Variants in CACNA1H observed in about 807,000 individuals in gnomAD.
The protein encoded by CACNA1H is voltage-dependent T-type calcium channel subunit alpha-1H.
CACNA1H carries 149 observed loss-of-function variants against 192.5 expected under a neutral mutation model. That is an observed-to-expected ratio of 0.77 (90% confidence interval 0.68 to 0.89). CACNA1H has a LOEUF of 0.89. CACNA1H is among the 40% of genes least tolerant of loss of function. The pLI is 0.00. For missense variants in CACNA1H, 4,257 were observed against 3,423.5 expected, an observed-to-expected ratio of 1.24 and a Z score of -6.08; for synonymous variants, 2,202 against 1,475.2, an observed-to-expected ratio of 1.49 and a Z score of -11.29.
rs1462557016 is a variant in CACNA1H, at chr16:1,201,787, C to T, written c.1337C>T (p.Thr446Met). 6 of 1,598,996 alleles carry T rather than the reference C, an allele frequency of 3.8e-6. No homozygotes were observed. Among genetic ancestry groups the T allele is most frequent in the Admixed American group, 3.5e-5 (2 of 57,886 alleles). ...QRARHLSNDS[T>M]LASFSEPGSC... ...GCACGCCACCTGTCCAACGACAGCA[C>T]GCTGGCCAGCTTCTCCGAGCCTGGC... is the stretch of plus-strand genomic sequence containing the variant. The change falls in exon 9 of 35, where the codon ACG (threonine) becomes ATG (methionine). Residue 446 changes from threonine (T) to methionine (M), a missense_variant. Thr to Met is a moderately conservative substitution (Grantham distance 81, BLOSUM62 -1). Coordinates refer to ENST00000348261, the MANE Select transcript of CACNA1H (RefSeq NM_021098.3).
At chr16:1,179,303 C>T (rs1965227129) in intron 2 of CACNA1H, among the ~76,000 whole-genome samples, 1 of 151,972 alleles carries the variant, frequency 6.6e-6, no homozygotes, top group Non-Finnish European at 1.5e-5. Context: ...TCCCTGACCT[C>T]AGTCACCAGG....
Position 1,153,713 on chromosome 16 carries a change from T to C in CACNA1H, c.-18-7T>C, listed in dbSNP as rs1961889442. On this transcript the variant is annotated splice_polypyrimidine_tract_variant and splice_region_variant and intron_variant, in intron 1 of 34. Coordinates refer to ENST00000348261, the MANE Select transcript of CACNA1H (RefSeq NM_021098.3). ...ACCGGCCCCGGGTCACCCCCTGTCCTCTGCAGGTGCTGCCGGCCGCCACCA... is the reference window on the plus strand; with the variant it reads ...ACCGGCCCCGGGTCACCCCCTGTCCCCTGCAGGTGCTGCCGGCCGCCACCA... 2 of 1,196,836 alleles carry C rather than the reference T, an allele frequency of 1.7e-6. No individual in the cohort carries two copies. The highest frequency in any genetic ancestry group is 2.1e-6 in the Non-Finnish European group (2 of 966,272). The allele number at this position is 1,196,836 out of a possible 1,614,324, so 74.1% of individuals were successfully genotyped here.
chr16:1,190,219 G>A (rs1966477213), intron 2 of CACNA1H, among the ~76,000 whole-genome samples: 1 of 152,236 alleles, frequency 6.6e-6, no homozygotes, highest in African/African-American at 2.4e-5. Context: ...GCTGTTCCCG[G>A]CTACGTTGGC....
intron 2 of CACNA1H, among the ~76,000 whole-genome samples, chr16:1,189,980 T>G (rs542708921): frequency 2.3e-4 from 35 of 152,358 alleles, no homozygotes; most frequent in Non-Finnish European, 4.7e-4. Context: ...AACCTTGGTC[T>G]GTCAGAAAAG....
chr16:1,207,650 T>A (rs1596444114), intron 14 of CACNA1H, 120 bp from the exon 15 acceptor site: 3 of 986,728 alleles, frequency 3.0e-6, no homozygotes, highest in Non-Finnish European at 4.6e-6. Context: ...GGCAGTGACA[T>A]CATCCTCTGG....
intron 2 of CACNA1H, among the ~76,000 whole-genome samples, chr16:1,178,028 G>A (rs1177184790): frequency 2.9e-5 from 1 of 34,666 alleles, no homozygotes; most frequent in African/African-American, 1.4e-4. Flanking sequence ...CCCTCTCCCT[G>A]GGGACCCCAT....
chr16:1,193,909 C>T (rs978700917), intron 2 of CACNA1H, among the ~76,000 whole-genome samples: 1 of 152,030 alleles, frequency 6.6e-6, no homozygotes, highest in African/African-American at 2.4e-5. Flanking sequence ...TGGCAGCTGC[C>T]CTTCCTGTGA....
At chr16:1,205,320 C>G in intron 11 of CACNA1H, 55 bp downstream of exon 11, 1 of 1,530,670 alleles carries the variant, frequency 6.5e-7, no homozygotes, top group Non-Finnish European at 8.9e-7. Flanking sequence ...CACTCTCTGG[C>G]AGAAATCCCA....
intron 2 of CACNA1H, among the ~76,000 whole-genome samples, chr16:1,177,632 G>A (rs575711461): frequency 2.7e-4 from 41 of 152,194 alleles, no homozygotes; most frequent in African/African-American, 9.2e-4. Context: ...GAAATTCTGA[G>A]GACGTGGTGG....
At chr16:1,217,389 C>T (rs1011884559) in intron 31 of CACNA1H, among the ~76,000 whole-genome samples, 3 of 152,220 alleles carry the variant, frequency 2.0e-5, no homozygotes, top group Non-Finnish European at 2.9e-5. Flanking sequence ...TCTCCCCTTA[C>T]CTGGTGGCCG....
chr16:1,202,048 A>G lies in CACNA1H; in HGVS notation c.1598A>G (p.His533Arg). The G allele has an allele frequency of 6.5e-7, 1 of 1,538,086 alleles. No individual in the cohort carries two copies. Among genetic ancestry groups the G allele is most frequent in the Non-Finnish European group, 8.7e-7 (1 of 1,144,176 alleles). The change falls in exon 9 of 35, where the codon CAT (histidine) becomes CGT (arginine). Residue 533 changes from histidine to arginine, a missense_variant. Transcript: ENST00000348261. ...CACCACCACCACTACCATTTCAGCC[A>G]TGGCAGCCCCCGCAGGCCCGGCCCC... The part of the protein sequence containing the change: ...HHHHHHYHFS[H>R]GSPRRPGPEP...
At chr16:1,171,675 C>T (rs192903815) in intron 2 of CACNA1H, among the ~76,000 whole-genome samples, 108 of 152,292 alleles carry the variant, frequency 7.1e-4, no homozygotes, top group African/African-American at 2.5e-3. Flanking sequence ...CCGTCCTTCC[C>T]GCCTCCTGGG....
Position 1,201,828 on chromosome 16 carries a change from C to T in CACNA1H, c.1378C>T (p.Leu460=), listed in dbSNP as rs1164925886. The change falls in exon 9 of 35, where the codon CTG becomes TTG. Residue 460 remains leucine, a synonymous_variant. Transcript: ENST00000348261. ...FSEPGSCYEE[L]LKYVGHIFRK... ...CGAGCCTGGCAGCTGCTACGAAGAGCTGCTGAAGTACGTGGGCCACATATT... is the reference window on the plus strand; with the variant it reads ...CGAGCCTGGCAGCTGCTACGAAGAGTTGCTGAAGTACGTGGGCCACATATT... The T allele has an allele frequency of 7.6e-6, 12 of 1,578,378 alleles. No homozygotes were observed. The highest frequency in any genetic ancestry group is 1.7e-4 in the Middle Eastern group (1 of 5,926).
rs775168730 is a variant in CACNA1H, at chr16:1,204,101, G to A, written c.2094G>A (p.Lys698=). The stretch of plus-strand genomic sequence containing the variant: ...CGGGCACACTGACCTGTGAGCTGAA[G>A]AGCTGCCCGTACTGCACCCGTGCCC... ...PPAGTLTCEL[K]SCPYCTRALE... Residue 698 remains lysine (K), a synonymous_variant, in exon 10 of 35, where the codon AAG becomes AAA. Transcript: ENST00000348261. 29 of 1,610,868 alleles carry A rather than the reference G, an allele frequency of 1.8e-5. No individual in the cohort carries two copies. Among genetic ancestry groups the A allele is most frequent in the African/African-American group, 2.7e-5 (2 of 74,912 alleles).
chr16:1,208,120 C>T lies in CACNA1H; in HGVS notation c.3262C>T (p.Pro1088Ser), dbSNP rs1358707581. 12 of 1,593,724 alleles carry T rather than the reference C, an allele frequency of 7.5e-6. No individual in the cohort carries two copies. Among genetic ancestry groups the T allele is most frequent in the African/African-American group, 1.3e-5 (1 of 74,322 alleles). Reference sequence around the variant, plus strand: ...CACAGCTGCCACGCCCATGCCTACCCCCAAGAGCTCACCATTCCTGGATGC... The same window carrying T: ...CACAGCTGCCACGCCCATGCCTACCTCCAAGAGCTCACCATTCCTGGATGC... ...MCTAATPMPT[P>S]KSSPFLDAAP... The change falls in exon 16 of 35, where the codon CCC becomes TCC. Residue 1088 changes from proline to serine, a missense_variant. Physicochemically the swap from Pro to Ser is moderately conservative, Grantham distance 74. Coordinates refer to ENST00000348261, the MANE Select transcript of CACNA1H (RefSeq NM_021098.3).
chr16:1,215,436 G>C (rs1407130591), intron 29 of CACNA1H, 61 bp downstream of exon 29: 1 of 1,584,234 alleles, frequency 6.3e-7, no homozygotes, highest in African/African-American at 1.3e-5. Context: ...CTCAGCCATG[G>C]GTGGGAGTGA....
In CACNA1H at chr16:1,207,392, C is replaced by G. The variant is rs745927407; in HGVS notation, c.3025C>G (p.Leu1009Val). The G allele has an allele frequency of 1.9e-6, 3 of 1,613,300 alleles. No individual in the cohort carries two copies. In the Admixed American group the frequency reaches 5.0e-5, roughly 27 times the overall value. The change falls in exon 14 of 35, where the codon CTG (leucine) becomes GTG (valine). Residue 1009 changes from leucine (L) to valine (V), a missense_variant. Transcript: ENST00000348261. ...MTFGNYVLFNLLVAILVEGFQ... is the reference protein window; with the variant it reads ...MTFGNYVLFNVLVAILVEGFQ... ...CTTCGGCAACTATGTGCTCTTCAACCTGCTGGTGGCCATCCTCGTGGAGGG... is the reference window on the plus strand; with the variant it reads ...CTTCGGCAACTATGTGCTCTTCAACGTGCTGGTGGCCATCCTCGTGGAGGG...
In CACNA1H at chr16:1,210,473, G is replaced by C; in HGVS notation, c.3949G>C (p.Asp1317His). 1 of 1,612,174 alleles carries C rather than the reference G, an allele frequency of 6.2e-7. No individual in the cohort carries two copies. The highest frequency in any genetic ancestry group is 1.1e-5 in the South Asian group (1 of 91,042). Residue 1317 changes from aspartate (D) to histidine (H), a missense_variant, in exon 19 of 35, where the codon GAC (aspartate) becomes CAC (histidine). Asp to His is a moderately conservative substitution (Grantham distance 81). Coordinates refer to ENST00000348261, the MANE Select transcript of CACNA1H (RefSeq NM_021098.3). ...NCVTIALERPDIDPGSTERVF... is the reference protein window; with the variant it reads ...NCVTIALERPHIDPGSTERVF... ...CGTCACCATCGCCCTGGAGAGGCCT[G>C]ACATTGATCCCGGCAGCACCGTGAG...
At chr16:1,206,678 G>A (rs1451882732) in intron 12 of CACNA1H, 6 of 435,700 alleles carry the variant, frequency 1.4e-5, no homozygotes, top group African/African-American at 2.0e-5. Context: ...GGCAGGCCGG[G>A]CTTTCACAGT....
Sources: gnomAD v4.1 joint callset for allele counts (sites outside exome capture counted in the v4.1 genomes callset) on GRCh38, gnomAD v4.1.1 for gene constraint, MANE v1.5 for transcripts, NCBI Gene and HGNC (gene_info 2026-07-23, HGNC 2026-07-21) for gene names.